The following CACNA2D1 variants were observed in gnomAD, a reference collection of about 807,000 sequenced individuals.
CACNA2D1 encodes calcium voltage-gated channel auxiliary subunit alpha2delta 1, also known as voltage-dependent calcium channel subunit alpha-2/delta-1.
CACNA2D1 carries 53 observed loss-of-function variants against 171.5 expected under a neutral mutation model. The observed-to-expected ratio is 0.31, with a 90% confidence interval of 0.25 to 0.39. CACNA2D1 has a LOEUF of 0.39. CACNA2D1 is among the 10% of genes least tolerant of loss of function. The pLI, the probability that CACNA2D1 is intolerant of heterozygous loss-of-function variation, is 1.00. For synonymous variants in CACNA2D1, 442 were observed against 443.1 expected, an observed-to-expected ratio of 1.00 and a Z score of 0.03; for missense variants, 903 against 1,299.8, an observed-to-expected ratio of 0.69 and a Z score of 4.69.
chr7:82,332,830 T>C (rs1207673789), intron 3 of CACNA2D1, among the ~76,000 whole-genome samples: 1 of 152,062 alleles, frequency 6.6e-6, no homozygotes, highest in Non-Finnish European at 1.5e-5. Context: ...GGAGACCTCA[T>C]CTCTACAAAA....
chr7:81,989,834 T>C (rs1182644776), intron 21 of CACNA2D1, among the ~76,000 whole-genome samples: 3 of 152,092 alleles, frequency 2.0e-5, no homozygotes, highest in Admixed American at 2.0e-4. Context: ...GAATTTCTGC[T>C]AAATAAAGAA....
rs113204570 is a variant in CACNA2D1, at chr7:81,970,172, T to A, written c.2205-188A>T. Reference sequence around the variant, plus strand: ...CATCAGCATAGCACTAAATTAAGAATCAGAAAAAGCTAACTCCTAGTTTTA... The same window carrying A: ...CATCAGCATAGCACTAAATTAAGAAACAGAAAAAGCTAACTCCTAGTTTTA... On this transcript the variant is annotated intron_variant, in intron 27 of 38. Transcript: ENST00000356860. Among the ~76,000 whole-genome samples, 262 of 151,472 alleles carry A rather than the reference T, an allele frequency of 1.7e-3. 1 individual carries two copies. Among genetic ancestry groups the A allele is most frequent in the African/African-American group, 6.0e-3 (249 of 41,468 alleles).
chr7:82,193,109 G>A (rs1477848682), intron 3 of CACNA2D1, among the ~76,000 whole-genome samples: 1 of 151,882 alleles, frequency 6.6e-6, no homozygotes, highest in Non-Finnish European at 1.5e-5. Context: ...CAAGGATTTA[G>A]CCGAAGCTTT....
intron 4 of CACNA2D1, among the ~76,000 whole-genome samples, chr7:82,140,538 G>A (rs1010909711): frequency 6.6e-6 from 1 of 152,134 alleles, no homozygotes; most frequent in African/African-American, 2.4e-5. Flanking sequence ...CATCTGCTCT[G>A]TCAACCAAAT....
chr7:82,440,431 T>C (rs1447759508), intron 1 of CACNA2D1, among the ~76,000 whole-genome samples: 1 of 151,910 alleles, frequency 6.6e-6, no homozygotes, highest in African/African-American at 2.4e-5. Context: ...CTACCCTTTT[T>C]GAAAGCTACA....
intron 3 of CACNA2D1, among the ~76,000 whole-genome samples, chr7:82,185,283 A>G (rs1169961197): frequency 6.6e-6 from 1 of 150,382 alleles, no homozygotes; most frequent in East Asian, 2.0e-4. Flanking sequence ...TTTTGTCACT[A>G]CCCCACTGCA....
intron 3 of CACNA2D1, among the ~76,000 whole-genome samples, chr7:82,323,338 AAT>A (rs1271302147): frequency 1.3e-5 from 2 of 152,158 alleles, no homozygotes; most frequent in Non-Finnish European, 2.9e-5. Context: ...ATCTTTCAAC[AAT>A]CATCAAGGAT....
intron 1 of CACNA2D1, among the ~76,000 whole-genome samples, chr7:82,423,655 C>A (rs918022617): frequency 1.4e-4 from 21 of 152,280 alleles, no homozygotes; most frequent in Middle Eastern, 3.4e-3. Context: ...AAGGCCATTG[C>A]GATCCATAGC....
intron 3 of CACNA2D1, among the ~76,000 whole-genome samples, chr7:82,316,269 A>G (rs1815110001): frequency 6.6e-6 from 1 of 152,196 alleles, no homozygotes; most frequent in Non-Finnish European, 1.5e-5. Context: ...GTGTTCCTGA[A>G]GTCTCTCACT....
chr7:82,067,522 ATTT>A (rs1007570221), intron 7 of CACNA2D1, among the ~76,000 whole-genome samples: 7 of 152,030 alleles, frequency 4.6e-5, no homozygotes, highest in Non-Finnish European at 8.8e-5. Flanking sequence ...TGACTGTGAA[ATTT>A]TTTTCTTATT....
At chr7:82,178,340 T>C (rs1009439851) in intron 3 of CACNA2D1, among the ~76,000 whole-genome samples, 2 of 152,200 alleles carry the variant, frequency 1.3e-5, no homozygotes, top group South Asian at 4.1e-4. Context: ...AGATATCATC[T>C]GGTGAGAACA....
chr7:82,150,292 C>A (rs1201759634), intron 4 of CACNA2D1, among the ~76,000 whole-genome samples: 1,023 of 96,334 alleles, frequency 0.011, 21 homozygotes, highest in Non-Finnish European at 0.015. Flanking sequence ...CAAAAAAAAA[C>A]ACCCTAGTAG....
rs534197826 is a variant in CACNA2D1 at position 82,018,847 on chromosome 7, G to C, written c.1144-4368C>G. The stretch of plus-strand genomic sequence containing the variant: ...AAAAATACAAAAATTAGCTGAGCAT[G>C]GTGGCTCACGCCTGTAATCCCAGCT... On this transcript the variant is annotated intron_variant, in intron 12 of 38. Coordinates refer to ENST00000356860, the MANE Select transcript of CACNA2D1 (RefSeq NM_000722.4). 2.0e-5 allele frequency among the ~76,000 whole-genome samples: 3 copies of C among 151,982 alleles called. No individual in the cohort carries two copies. The East Asian group carries it at 5.9e-4, about 30-fold the overall frequency.
intron 3 of CACNA2D1, among the ~76,000 whole-genome samples, chr7:82,198,067 A>G (rs1381868013): frequency 1.3e-5 from 2 of 152,062 alleles, no homozygotes; most frequent in African/African-American, 4.8e-5. Flanking sequence ...TGGTCCCAGG[A>G]GAATGCCATT....
In CACNA2D1 at chr7:81,949,417, C is replaced by T. The variant is rs1427739814; in HGVS notation, c.*975G>A. The T allele has an allele frequency of 6.6e-6, 1 of 152,004 alleles. No homozygotes were observed. Among genetic ancestry groups the T allele is most frequent in the Non-Finnish European group, 1.5e-5 (1 of 67,972 alleles). 9.4% of individuals were successfully genotyped at this position (152,004 alleles called of 1,614,324 possible). A position where few individuals can be genotyped will look rare whatever the true frequency, so the allele number is the denominator to read the frequency against. On this transcript the variant is annotated 3_prime_UTR_variant, in exon 39 of 39. Transcript: ENST00000356860. ...TTCAGATTCTTACATAACAATATCA[C>T]TCAGTTAACTTTTCAATGACTACAC...
chr7:82,241,650 G>C (rs1401098339), intron 3 of CACNA2D1, among the ~76,000 whole-genome samples: 2 of 151,968 alleles, frequency 1.3e-5, no homozygotes, highest in Admixed American at 1.3e-4. Flanking sequence ...AAGAAGCAGA[G>C]GGGGGAGGAA....
chr7:82,181,342 T>C (rs1335367451), intron 3 of CACNA2D1, among the ~76,000 whole-genome samples: 1 of 152,172 alleles, frequency 6.6e-6, no homozygotes, highest in East Asian at 1.9e-4. Flanking sequence ...CTTTATTTTG[T>C]CTTCAGCAAT....
chr7:81,961,547 G>T (rs1243376601), intron 36 of CACNA2D1, among the ~76,000 whole-genome samples: 25 of 150,826 alleles, frequency 1.7e-4, no homozygotes, highest in Non-Finnish European at 3.5e-4. Context: ...CTTTATATTA[G>T]AAATTTTTAA....
intron 20 of CACNA2D1, 49 bp downstream of exon 20, chr7:81,994,815 CAATT>C (rs1562837968): frequency 1.0e-5 from 9 of 877,640 alleles, no homozygotes; most frequent in Non-Finnish European, 1.7e-5. Context: ...TTACCAATAT[CAATT>C]ATTCTTGATA....
Sources: allele counts gnomAD v4.1 joint callset (sites outside exome capture counted in the v4.1 genomes callset), GRCh38; gene constraint gnomAD v4.1.1; transcripts MANE v1.5; gene names NCBI Gene and HGNC (gene_info 2026-07-23, HGNC 2026-07-21).